The following SDK1 variants were observed in gnomAD, a reference collection of about 807,000 sequenced individuals.
SDK1 encodes the protein sidekick cell adhesion molecule 1.
SDK1 carries 157 observed loss-of-function variants against 245.5 expected under a neutral mutation model. That is an observed-to-expected ratio of 0.64 (90% CI 0.56 to 0.73). The LOEUF (loss-of-function observed/expected upper bound fraction) is 0.73, where lower values mean the gene tolerates loss of function less well. SDK1 is among the 30% of genes least tolerant of loss of function. SDK1 has a pLI of 0.00. For missense variants in SDK1, 3,583 were observed against 3,002.3 expected (o/e 1.19, Z -4.52); for synonymous variants, 1,647 against 1,278.5 (o/e 1.29, Z -6.15).
intron 4 of SDK1, among the ~76,000 whole-genome samples, chr7:3,811,714 C>T (rs1779388580): frequency 1.3e-5 from 2 of 152,186 alleles, no homozygotes; most frequent in Non-Finnish European, 2.9e-5. Context: ...CCTGGCCGTG[C>T]AGAAGCCCCC....
intron 7 of SDK1, among the ~76,000 whole-genome samples, chr7:3,952,506 C>G (rs1460595482): frequency 6.6e-6 from 1 of 152,122 alleles, no homozygotes; most frequent in East Asian, 1.9e-4. Flanking sequence ...TCACTTGAAC[C>G]CAGGAGGCAG....
At chr7:3,906,305 C>T (rs1778923654) in intron 5 of SDK1, among the ~76,000 whole-genome samples, 1 of 151,908 alleles carries the variant, frequency 6.6e-6, no homozygotes, top group Non-Finnish European at 1.5e-5. Flanking sequence ...TAGTGTCTCC[C>T]AAATTATTGT....
chr7:4,069,581 C>T (rs1366393551), intron 20 of SDK1, among the ~76,000 whole-genome samples: 3 of 152,220 alleles, frequency 2.0e-5, no homozygotes, highest in Non-Finnish European at 2.9e-5. Flanking sequence ...AATTCAAGTG[C>T]CTGATTGTTC....
chr7:3,436,873 A>G (rs558287690), intron 1 of SDK1, among the ~76,000 whole-genome samples: 2 of 152,334 alleles, frequency 1.3e-5, no homozygotes, highest in South Asian at 4.1e-4. Context: ...AAGAACCTAC[A>G]TAGACAATAG....
intron 5 of SDK1, among the ~76,000 whole-genome samples, chr7:3,889,174 C>T (rs1781400456): frequency 6.6e-6 from 1 of 152,218 alleles, no homozygotes; most frequent in African/African-American, 2.4e-5. Context: ...CTCTGAGATT[C>T]AATCAAATAT....
chr7:4,141,110 C>T (rs1324381095), intron 28 of SDK1, among the ~76,000 whole-genome samples: 4 of 152,172 alleles, frequency 2.6e-5, no homozygotes, highest in Non-Finnish European at 5.9e-5. Flanking sequence ...ATCCACAAAC[C>T]CGAGGCAGTG....
intron 2 of SDK1, among the ~76,000 whole-genome samples, chr7:3,636,333 G>T (rs539008389): frequency 3.3e-5 from 5 of 152,208 alleles, no homozygotes; most frequent in African/African-American, 1.2e-4. Flanking sequence ...ATCTCATATG[G>T]CTGAAACTTC....
At chr7:3,480,893 G>T (rs1324327106) in intron 1 of SDK1, among the ~76,000 whole-genome samples, 1 of 152,196 alleles carries the variant, frequency 6.6e-6, no homozygotes, top group African/African-American at 2.4e-5. Context: ...CTTCCAGTTA[G>T]TGTTTCTCTG....
At chr7:3,981,103 A>T (rs985235664) in intron 13 of SDK1, among the ~76,000 whole-genome samples, 33 of 152,108 alleles carry the variant, frequency 2.2e-4, no homozygotes, top group African/African-American at 7.7e-4. Context: ...AATTTTTCCA[A>T]CGGCACCTGC....
At chr7:4,243,723 T>C (rs1273362234) in intron 43 of SDK1, among the ~76,000 whole-genome samples, 4 of 152,098 alleles carry the variant, frequency 2.6e-5, no homozygotes, top group Non-Finnish European at 5.9e-5. Flanking sequence ...ATGGGAATGA[T>C]GGGAGCCACA....
At chr7:4,075,350 A>G (rs1780598954) in intron 20 of SDK1, among the ~76,000 whole-genome samples, 1 of 152,200 alleles carries the variant, frequency 6.6e-6, no homozygotes, top group African/African-American at 2.4e-5. Flanking sequence ...TTCAAAATAT[A>G]AAGTCTCAAG....
At chr7:4,223,963 C>T (rs970902494) in intron 40 of SDK1, among the ~76,000 whole-genome samples, 4 of 152,158 alleles carry the variant, frequency 2.6e-5, no homozygotes, top group Non-Finnish European at 5.9e-5. Flanking sequence ...GTCCATGAAG[C>T]GTAGACTTTT....
At chr7:4,035,022 A>G (rs1163334764) in intron 17 of SDK1, among the ~76,000 whole-genome samples, 1 of 152,242 alleles carries the variant, frequency 6.6e-6, no homozygotes, top group Non-Finnish European at 1.5e-5. Context: ...TCTGTTGCCC[A>G]GGCTGGAGTG....
intron 1 of SDK1, among the ~76,000 whole-genome samples, chr7:3,361,536 C>T (rs1261727720): frequency 3.3e-5 from 5 of 152,172 alleles, no homozygotes; most frequent in Non-Finnish European, 1.5e-5. Flanking sequence ...GTTCTCCGCC[C>T]TGTGATTCAC....
chr7:4,246,196 C>A (rs964962076), intron 44 of SDK1, among the ~76,000 whole-genome samples: 1 of 152,206 alleles, frequency 6.6e-6, no homozygotes, highest in Non-Finnish European at 1.5e-5. Flanking sequence ...GAGAGATAGG[C>A]AAGGCTGGTG....
At chr7:3,525,658 G>C (rs2128616213) in intron 1 of SDK1, among the ~76,000 whole-genome samples, 1 of 152,130 alleles carries the variant, frequency 6.6e-6, no homozygotes, top group East Asian at 1.9e-4. Flanking sequence ...TTCTAATGAA[G>C]GGATTAATTT....
intron 4 of SDK1, among the ~76,000 whole-genome samples, chr7:3,786,701 G>C (rs1220146612): frequency 1.3e-5 from 2 of 152,142 alleles, no homozygotes; most frequent in East Asian, 3.9e-4. Flanking sequence ...TTTTCTCGCT[G>C]ATGAAATGGA....
intron 1 of SDK1, among the ~76,000 whole-genome samples, chr7:3,371,060 T>G (rs964372187): frequency 1.3e-5 from 2 of 152,150 alleles, no homozygotes; most frequent in African/African-American, 2.4e-5. Flanking sequence ...TCCCCGTGTT[T>G]CGTGTACAAC....
chr7:3,469,696 T>C (rs1318241343), intron 1 of SDK1, among the ~76,000 whole-genome samples: 2 of 152,210 alleles, frequency 1.3e-5, no homozygotes, highest in East Asian at 1.9e-4. Flanking sequence ...CTGAGCAGTT[T>C]GCTTGAAGTC....
Sources: allele counts gnomAD v4.1 joint callset (sites outside exome capture counted in the v4.1 genomes callset), GRCh38; gene constraint gnomAD v4.1.1; transcripts MANE v1.5; gene names NCBI Gene and HGNC (gene_info 2026-07-23, HGNC 2026-07-21).